TJP2: variants seen among roughly 807,000 people sequenced by gnomAD.
TJP2 encodes Friedreich ataxia region gene X104 (tight junction protein ZO-2).
Under a neutral mutation model 133.1 loss-of-function variants are expected in TJP2, and 91 were observed. The observed-to-expected ratio is 0.68, with a 90% confidence interval of 0.58 to 0.81. The LOEUF is 0.81. Ranked by LOEUF, TJP2 falls within the 40% of genes least tolerant of loss-of-function variation. The probability of loss-of-function intolerance (pLI) is 0.00; values close to 1 mark genes in which losing one functional copy is unlikely to be tolerated. For synonymous variants in TJP2, 592 were observed against 583.4 expected, an observed-to-expected ratio of 1.01 and a Z score of -0.21; for missense variants, 1,541 against 1,565.6, an observed-to-expected ratio of 0.98 and a Z score of 0.26.
At chr9:69,199,272 A>G (rs1826818657) in intron 1 of TJP2, among the ~76,000 whole-genome samples, 1 of 152,200 alleles carries the variant, frequency 6.6e-6, no homozygotes, top group Admixed American at 6.5e-5. Flanking sequence ...GTGGTGGCTC[A>G]CATCTGTAAT....
At chr9:69,144,422 A>G (rs1385645352) in intron 1 of TJP2, among the ~76,000 whole-genome samples, 5 of 152,012 alleles carry the variant, frequency 3.3e-5, no homozygotes, top group South Asian at 2.1e-4. Context: ...CTCCCCTTCT[A>G]TTTTGCTTCC....
chr9:69,121,394 T>TCCCCCC (rs1822131565), upstream of TJP2: 2 of 823,810 alleles, frequency 2.4e-6, no homozygotes, highest in African/African-American at 3.7e-5. Context: ...CCCCTTCCCC[T>TCCCCCC]CCCCGCCGCT....
intron 1 of TJP2, among the ~76,000 whole-genome samples, chr9:69,186,205 C>T (rs1392105021): frequency 6.6e-6 from 1 of 152,140 alleles, no homozygotes; most frequent in East Asian, 1.9e-4. Context: ...AATACTTTTT[C>T]CTATAACCCA....
chr9:69,194,035 A>G (rs189178062), intron 1 of TJP2, among the ~76,000 whole-genome samples: 4 of 152,326 alleles, frequency 2.6e-5, no homozygotes, highest in Admixed American at 1.3e-4. Flanking sequence ...AGTCTTGTCC[A>G]TAGATTAACG....
intron 1 of TJP2, among the ~76,000 whole-genome samples, chr9:69,198,699 A>G (rs1826775100): frequency 6.6e-6 from 1 of 152,224 alleles, no homozygotes; most frequent in Non-Finnish European, 1.5e-5. Flanking sequence ...CATACACTAG[A>G]TTTAATCATC....
intron 1 of TJP2, chr9:69,205,319 G>A (rs1827315736): frequency 6.5e-7 from 1 of 1,532,716 alleles, no homozygotes; most frequent in African/African-American, 1.4e-5. Flanking sequence ...CTCACAGTGA[G>A]TCCTTTATCC....
intron 2 of TJP2, among the ~76,000 whole-genome samples, chr9:69,213,120 G>A (rs1203517800): frequency 1.4e-5 from 2 of 147,312 alleles, no homozygotes; most frequent in African/African-American, 5.0e-5. Context: ...CTGGAGTACG[G>A]TGGTGCAATT....
At chr9:69,152,848 T>TTTTTTTTTGG (rs1823549184) in intron 2 of TJP2, among the ~76,000 whole-genome samples, 1 of 113,732 alleles carries the variant, frequency 8.8e-6, no homozygotes, top group African/African-American at 3.4e-5. Flanking sequence ...TTTTTTTTTT[T>TTTTTTTTTGG]GAGACGGAGT....
chr9:69,145,398 T>C (rs1823169638), intron 1 of TJP2, among the ~76,000 whole-genome samples: 1 of 152,256 alleles, frequency 6.6e-6, no homozygotes, highest in Admixed American at 6.5e-5. Context: ...AAGATTTATG[T>C]GCGGATTAAT....
At chr9:69,152,822 T>C (rs1823545505) in intron 2 of TJP2, among the ~76,000 whole-genome samples, 1 of 113,116 alleles carries the variant, frequency 8.8e-6, no homozygotes, top group African/African-American at 4.1e-5. Flanking sequence ...GAGCTCTTTT[T>C]TTTTTTTTTT....
rs148675996 is a variant in TJP2 at position 69,201,228 on chromosome 9, T to A, written c.61-11320T>A. Among the ~76,000 whole-genome samples, 11 of 152,310 alleles carry A rather than the reference T, an allele frequency of 7.2e-5. No individual in the cohort carries two copies. In the East Asian group the frequency reaches 2.1e-3, roughly 29 times the overall value. On this transcript the variant is annotated intron_variant, in intron 1 of 22. Transcript: ENST00000377245. ...AGCTAGGAATCTTTGAGAAGGCACA[T>A]CCTTAAACCCATAAGCTCTTCTCAT...
chr9:69,171,972 T>C (rs985439513), upstream of TJP2, among the ~76,000 whole-genome samples: 4 of 152,078 alleles, frequency 2.6e-5, no homozygotes, highest in Admixed American at 1.3e-4. Context: ...ATTTTTGTTA[T>C]TTTTAGTAGA....
chr9:69,216,349 G>C lies in TJP2; in HGVS notation c.125G>C (p.Arg42Thr). The change falls in exon 3 of 23, where the codon AGA becomes ACA. Residue 42 changes from arginine to threonine, a missense_variant. Coordinates refer to ENST00000377245, the MANE Select transcript of TJP2 (RefSeq NM_004817.4). Reference protein sequence around the residue: ...YTVTLQKDSKRGFGIAVSGGR... With the variant: ...YTVTLQKDSKTGFGIAVSGGR... ...CTCTCTGATGTACAGGATTCCAAAAGAGGATTTGGAATTGCAGTGTCCGGA... is the reference window on the plus strand; with the variant it reads ...CTCTCTGATGTACAGGATTCCAAAACAGGATTTGGAATTGCAGTGTCCGGA... The C allele has an allele frequency of 1.2e-6, 2 of 1,614,158 alleles. No individual in the cohort carries two copies. The highest frequency in any genetic ancestry group is 1.7e-6 in the Non-Finnish European group (2 of 1,180,026).
At chr9:69,229,362 AGC>A in intron 10 of TJP2, 112 bp downstream of exon 10, 1 of 1,019,706 alleles carries the variant, frequency 9.8e-7, no homozygotes. Flanking sequence ...GTACACTGTC[AGC>A]CACCTGTAAC....
intron 7 of TJP2, among the ~76,000 whole-genome samples, chr9:69,227,329 A>G (rs537675345): frequency 1.4e-4 from 21 of 152,294 alleles, no homozygotes; most frequent in African/African-American, 3.4e-4. Context: ...CCTGACCCCA[A>G]TAGCATCTGC....
intron 2 of TJP2, among the ~76,000 whole-genome samples, chr9:69,215,613 T>C (rs895720594): frequency 1.3e-5 from 2 of 152,072 alleles, no homozygotes; most frequent in African/African-American, 4.8e-5. Flanking sequence ...CTTGAGCTGC[T>C]GGACTCAAGC....
chr9:69,192,058 TA>T (rs1368501199), intron 1 of TJP2, among the ~76,000 whole-genome samples: 1 of 152,038 alleles, frequency 6.6e-6, no homozygotes, highest in Non-Finnish European at 1.5e-5. Context: ...AATCTTATAT[TA>T]AGCTTATACC....
intron 18 of TJP2, among the ~76,000 whole-genome samples, chr9:69,247,574 G>A (rs1026609742): frequency 6.6e-6 from 1 of 152,166 alleles, no homozygotes; most frequent in South Asian, 2.1e-4. Flanking sequence ...CCCTGGGGAG[G>A]ACAGGTTGAA....
At chr9:69,194,030 T>C (rs1031044317) in intron 1 of TJP2, among the ~76,000 whole-genome samples, 2 of 152,232 alleles carry the variant, frequency 1.3e-5, no homozygotes, top group Non-Finnish European at 2.9e-5. Context: ...TTTTTAGTCT[T>C]GTCCATAGAT....
Sources: gnomAD v4.1 joint callset for allele counts (sites outside exome capture counted in the v4.1 genomes callset) on GRCh38, gnomAD v4.1.1 for gene constraint, MANE v1.5 for transcripts, NCBI Gene and HGNC (gene_info 2026-07-23, HGNC 2026-07-21) for gene names.